EHD3: variants seen among roughly 807,000 people sequenced by gnomAD.
EHD3 encodes EH domain containing 3.
Under a neutral mutation model 43.0 loss-of-function variants are expected in EHD3, and 17 were observed. The ratio of observed to expected loss-of-function variants is 0.40; its 90% CI spans 0.27 to 0.59. EHD3 has a LOEUF of 0.59. Ranked by LOEUF, EHD3 falls within the 20% of genes least tolerant of loss-of-function variation. EHD3 has a pLI of 0.49. For missense variants in EHD3, 594 were observed against 705.6 expected (o/e 0.84, Z 1.79); for synonymous variants, 313 against 289.5 (o/e 1.08, Z -0.82).
intron 2 of EHD3, among the ~76,000 whole-genome samples, chr2:31,246,398 A>G (rs1199091226): frequency 1.3e-5 from 2 of 152,038 alleles, no homozygotes; most frequent in Non-Finnish European, 2.9e-5. Context: ...GAGTCAGCTG[A>G]GGAGCATCGT....
At chr2:31,245,554 T>TATATATATATATATATA (rs1491471022) in intron 2 of EHD3, among the ~76,000 whole-genome samples, 4 of 32,044 alleles carry the variant, frequency 1.2e-4, no homozygotes, top group African/African-American at 5.3e-4. Context: ...TATATATATA[T>TATATATATATATATATA]TTTTTTTTTT....
At chr2:31,245,553 A>ATTTTTT (rs1227122252) in intron 2 of EHD3, among the ~76,000 whole-genome samples, 6 of 35,046 alleles carry the variant, frequency 1.7e-4, no homozygotes, top group Admixed American at 4.2e-4. Context: ...ATATATATAT[A>ATTTTTT]TTTTTTTTTT....
chr2:31,265,663 A>G (rs79467492), intron 5 of EHD3, among the ~76,000 whole-genome samples: 1,869 of 152,248 alleles, frequency 0.012, 8 homozygotes, highest in Non-Finnish European at 0.017. Context: ...TGGGGATAGA[A>G]TGTGATTTTC....
At chr2:31,249,672 G>A (rs528075401) in intron 3 of EHD3, among the ~76,000 whole-genome samples, 12 of 152,294 alleles carry the variant, frequency 7.9e-5, no homozygotes, top group East Asian at 5.8e-4. Context: ...CAGGTCCACC[G>A]TAGCTCAGGA....
intron 3 of EHD3, among the ~76,000 whole-genome samples, chr2:31,257,352 G>T (rs1367722851): frequency 6.6e-6 from 1 of 152,238 alleles, no homozygotes; most frequent in Non-Finnish European, 1.5e-5. Flanking sequence ...GATGTAGGAA[G>T]GAGGGGAGTA....
At chr2:31,255,440 A>T (rs1358092754) in intron 3 of EHD3, among the ~76,000 whole-genome samples, 3 of 147,898 alleles carry the variant, frequency 2.0e-5, no homozygotes, top group Non-Finnish European at 4.4e-5. Context: ...ATTCAGCTCT[A>T]CCACAGACCC....
intron 5 of EHD3, 28 bp downstream of exon 5, chr2:31,261,741 A>G (rs752266247): frequency 1.2e-5 from 19 of 1,611,190 alleles, no homozygotes; most frequent in Non-Finnish European, 1.5e-5. Flanking sequence ...CTCTAAGACA[A>G]GGGACAGTGT....
At position 31,266,095 on chromosome 2, in the gene EHD3, G is replaced by C; in HGVS notation, c.1081-82G>C. The C allele has an allele frequency of 6.8e-7, 1 of 1,477,452 alleles. No homozygotes were observed. Among genetic ancestry groups the C allele is most frequent in the Non-Finnish European group, 9.1e-7 (1 of 1,096,332 alleles). The allele number at this position is 1,477,452 out of a possible 1,614,324, so 91.5% of individuals were successfully genotyped here. Reference sequence around the variant, plus strand: ...GAAAGGGATCAGCTGTGAACATTCTGGTGCTCATAGGAGGCACGTGATAAA... The same window carrying C: ...GAAAGGGATCAGCTGTGAACATTCTCGTGCTCATAGGAGGCACGTGATAAA... On this transcript the variant is annotated intron_variant, in intron 5 of 5. Transcript: ENST00000322054. The surrounding 1 kb of genome is among the most constrained non-coding windows in gnomAD (Gnocchi z 5.1).
Position 31,266,751 on chromosome 2 carries a change from G to A in EHD3, c.*47G>A. The A allele has an allele frequency of 6.6e-7, 1 of 1,524,984 alleles. No individual in the cohort carries two copies. The allele number at this position is 1,524,984 out of a possible 1,614,324, so 94.5% of individuals were successfully genotyped here. Reference sequence around the variant, plus strand: ...CGGGCAGTGTTAGAGGAGGAGATGGGAGCGGTGACTACACACACACACACA... The same window carrying A: ...CGGGCAGTGTTAGAGGAGGAGATGGAAGCGGTGACTACACACACACACACA... On this transcript the variant is annotated 3_prime_UTR_variant, in exon 6 of 6. Transcript: ENST00000322054. The surrounding 1 kb of genome is among the most constrained non-coding windows in gnomAD (Gnocchi z 5.1).
At chr2:31,252,640 A>C (rs1572467833) in intron 3 of EHD3, among the ~76,000 whole-genome samples, 1 of 152,058 alleles carries the variant, frequency 6.6e-6, no homozygotes, top group Non-Finnish European at 1.5e-5. Context: ...ACACCCAGCT[A>C]ATTTTTGTAT....
In EHD3 at chr2:31,266,289, G is replaced by A. The variant is rs370044897; in HGVS notation, c.1193G>A (p.Arg398His). Residue 398 changes from arginine (R) to histidine (H), a missense_variant, in exon 6 of 6, where the codon CGC (arginine) becomes CAC (histidine). Physicochemically the swap from Arg to His is conservative, Grantham distance 29. Transcript: ENST00000322054. The surrounding 1 kb of genome is among the most constrained non-coding windows in gnomAD (Gnocchi z 5.1). ...HDIAQLMVLV[R>H]QEESQRPIQM... ...ATTGCCCAGCTCATGGTGCTAGTGC[G>A]CCAGGAGGAGTCACAGCGGCCCATC... 1.5e-5 allele frequency: 24 copies of A among 1,614,072 alleles called. No individual in the cohort carries two copies. Among genetic ancestry groups the A allele is most frequent in the East Asian group, 2.2e-5 (1 of 44,880 alleles).
intron 2 of EHD3, among the ~76,000 whole-genome samples, chr2:31,246,705 A>C (rs1222222052): frequency 6.6e-6 from 1 of 152,056 alleles, no homozygotes; most frequent in Non-Finnish European, 1.5e-5. Flanking sequence ...CCATTGTTAA[A>C]TGTATTGAAA....
chr2:31,254,947 T>G (rs900458635), intron 3 of EHD3, among the ~76,000 whole-genome samples: 5 of 152,206 alleles, frequency 3.3e-5, no homozygotes, highest in Non-Finnish European at 5.9e-5. Flanking sequence ...TGCTGCCCTG[T>G]GAGGGCCCAG....
At chr2:31,239,150 C>G (rs1404248684) in intron 1 of EHD3, among the ~76,000 whole-genome samples, 1 of 152,226 alleles carries the variant, frequency 6.6e-6, no homozygotes, top group Non-Finnish European at 1.5e-5. Context: ...GACATCCCCA[C>G]CCCAGGCATT....
At chr2:31,264,567 A>C (rs1466288736) in intron 5 of EHD3, among the ~76,000 whole-genome samples, 1 of 116,470 alleles carries the variant, frequency 8.6e-6, no homozygotes. Flanking sequence ...ACAGAGTCTC[A>C]CTCTGTTGCT....
intron 5 of EHD3, among the ~76,000 whole-genome samples, chr2:31,264,091 T>A (rs796320865): frequency 3.9e-5 from 6 of 152,254 alleles, no homozygotes; most frequent in African/African-American, 1.4e-4. Flanking sequence ...CATTGTTAGG[T>A]GATTTTGTCA....
chr2:31,241,659 G>A (rs927499166), intron 1 of EHD3, among the ~76,000 whole-genome samples: 1 of 152,200 alleles, frequency 6.6e-6, no homozygotes, highest in Admixed American at 6.5e-5. Flanking sequence ...TACTCAGTCA[G>A]TCTGAACGAT....
chr2:31,266,724 G>A lies in EHD3; in HGVS notation c.*20G>A. 6.4e-7 allele frequency: 1 copy of A among 1,574,474 alleles called. No individual in the cohort carries two copies. Among genetic ancestry groups the A allele is most frequent in the South Asian group, 1.2e-5 (1 of 84,382 alleles). ...GAGTGATGGGGTGGGGGGACATTCA[G>A]ACGGGCAGTGTTAGAGGAGGAGATG... On this transcript the variant is annotated 3_prime_UTR_variant, in exon 6 of 6. Transcript: ENST00000322054. The surrounding 1 kb of genome is among the most constrained non-coding windows in gnomAD (Gnocchi z 5.1).
At chr2:31,247,711 A>C (rs1683553417) in intron 2 of EHD3, among the ~76,000 whole-genome samples, 4 of 152,224 alleles carry the variant, frequency 2.6e-5, no homozygotes, top group Non-Finnish European at 5.9e-5. Flanking sequence ...TCCAGTGGGC[A>C]CAGGCTTGGA....
Sources: gnomAD v4.1 joint callset for allele counts (sites outside exome capture counted in the v4.1 genomes callset) on GRCh38, gnomAD v4.1.1 for gene constraint, Gnocchi (gnomAD v3.1) non-coding constraint, MANE v1.5 for transcripts, NCBI Gene and HGNC (gene_info 2026-07-23, HGNC 2026-07-21) for gene names.